Variants in OLA1 observed in about 807,000 individuals in gnomAD.
OLA1 encodes the protein obg-like ATPase 1.
Under a neutral mutation model 48.4 loss-of-function variants are expected in OLA1, and 14 were observed. The ratio of observed to expected loss-of-function variants is 0.29; its 90% CI spans 0.19 to 0.45. The LOEUF (loss-of-function observed/expected upper bound fraction) is 0.45. Ranked by LOEUF, OLA1 falls within the 20% of genes least tolerant of loss-of-function variation. OLA1 has a pLI of 1.00. For synonymous variants in OLA1, 127 were observed against 150.4 expected (o/e 0.84, Z 1.14); for missense variants, 325 against 467.1 (o/e 0.70, Z 2.80).
At chr2:174,208,659 T>C (rs983364052) in intron 4 of OLA1, among the ~76,000 whole-genome samples, 1 of 152,210 alleles carries the variant, frequency 6.6e-6, no homozygotes, top group Non-Finnish European at 1.5e-5. Context: ...ATTTCCCTCT[T>C]ATTCAAAGCT....
At chr2:174,124,098 CT>C (rs1222552566) in intron 5 of OLA1, among the ~76,000 whole-genome samples, 1 of 152,110 alleles carries the variant, frequency 6.6e-6, no homozygotes, top group Non-Finnish European at 1.5e-5. Context: ...AAAATTGAGC[CT>C]ATTATCGATG....
intron 2 of OLA1, among the ~76,000 whole-genome samples, chr2:174,243,867 G>C (rs1689067612): frequency 6.6e-6 from 1 of 152,166 alleles, no homozygotes; most frequent in Non-Finnish European, 1.5e-5. Flanking sequence ...TCTCTAGATG[G>C]TTTTGTACTG....
At chr2:174,246,573 C>T in intron 2 of OLA1, 142 bp downstream of exon 2, 1 of 622,670 alleles carries the variant, frequency 1.6e-6, no homozygotes, top group South Asian at 2.0e-5. Flanking sequence ...TAAACTAAAG[C>T]CTAATTTTGC....
chr2:174,081,272 A>T (rs1463265649), intron 8 of OLA1, 24 bp from the exon 9 acceptor site: 1 of 1,564,514 alleles, frequency 6.4e-7, no homozygotes, highest in Admixed American at 1.7e-5. Context: ...AAACAAATTC[A>T]CCCAACACAT....
intron 4 of OLA1, chr2:174,172,809 G>A (rs1161005091): frequency 6.6e-6 from 1 of 152,446 alleles, no homozygotes; most frequent in Non-Finnish European, 1.5e-5. Flanking sequence ...TTGGAGGTGG[G>A]GTCTGGTGGG....
intron 4 of OLA1, among the ~76,000 whole-genome samples, chr2:174,200,876 A>G (rs994529279): frequency 1.3e-5 from 2 of 152,212 alleles, no homozygotes; most frequent in Non-Finnish European, 2.9e-5. Flanking sequence ...CTTAAATACA[A>G]TTGTTTAAAT....
chr2:174,248,086 A>C, intron 1 of OLA1: 1 of 233,236 alleles, frequency 4.3e-6, no homozygotes. Context: ...TTCCTGGCCA[A>C]CTCCCAGGCC....
At chr2:174,186,382 T>C (rs557042789) in intron 4 of OLA1, among the ~76,000 whole-genome samples, 35 of 152,328 alleles carry the variant, frequency 2.3e-4, no homozygotes, top group African/African-American at 8.4e-4. Flanking sequence ...TCCAAAACTT[T>C]ATGAGCTCCA....
chr2:174,097,703 C>A (rs912038627), intron 7 of OLA1, among the ~76,000 whole-genome samples: 1 of 148,242 alleles, frequency 6.7e-6, no homozygotes, highest in East Asian at 2.0e-4. Flanking sequence ...CCAGCCTGGG[C>A]GACAGAGTGA....
intron 4 of OLA1, among the ~76,000 whole-genome samples, chr2:174,211,047 C>T (rs1015218547): frequency 6.6e-6 from 1 of 152,028 alleles, no homozygotes; most frequent in Non-Finnish European, 1.5e-5. Context: ...AAGGAGGAAG[C>T]TAGATAATAT....
intron 4 of OLA1, among the ~76,000 whole-genome samples, chr2:174,221,570 A>T (rs1370030103): frequency 6.6e-6 from 1 of 151,942 alleles, no homozygotes; most frequent in Non-Finnish European, 1.5e-5. Context: ...CTCATACCCA[A>T]ATCTTCAGTT....
chr2:174,184,446 C>G (rs1423974849), intron 4 of OLA1, among the ~76,000 whole-genome samples: 3 of 152,060 alleles, frequency 2.0e-5, no homozygotes, highest in African/African-American at 7.2e-5. Flanking sequence ...AATATCTGAA[C>G]AGTGAAGTAT....
intron 7 of OLA1, among the ~76,000 whole-genome samples, chr2:174,103,730 G>T (rs2105354284): frequency 6.6e-6 from 1 of 152,236 alleles, no homozygotes; most frequent in Non-Finnish European, 1.5e-5. Context: ...AACAAAACAT[G>T]CATGGTCCTT....
intron 7 of OLA1, among the ~76,000 whole-genome samples, chr2:174,116,703 A>G (rs1685792761): frequency 6.6e-6 from 1 of 152,146 alleles, no homozygotes; most frequent in Non-Finnish European, 1.5e-5. Context: ...TTGCATGGGT[A>G]TCTTTTCTTT....
chr2:174,095,451 C>T (rs1394384951), intron 7 of OLA1, among the ~76,000 whole-genome samples: 1 of 146,496 alleles, frequency 6.8e-6, no homozygotes, highest in African/African-American at 2.5e-5. Context: ...CGTTGTGCAT[C>T]TTTTCATGCT....
intron 2 of OLA1, among the ~76,000 whole-genome samples, chr2:174,232,571 T>C (rs1446920468): frequency 2.6e-5 from 4 of 152,188 alleles, no homozygotes; most frequent in Non-Finnish European, 5.9e-5. Context: ...CAACAGATTA[T>C]TTCTCCAAAG....
At chr2:174,216,219 C>T (rs1398017199) in intron 4 of OLA1, among the ~76,000 whole-genome samples, 2 of 152,106 alleles carry the variant, frequency 1.3e-5, no homozygotes, top group Middle Eastern at 3.2e-3. Flanking sequence ...AGGAGGATAA[C>T]TTGAGCCAAG....
rs1224061120 is a variant in OLA1 at position 174,081,980 on chromosome 2, C to A, written c.813G>T (p.Leu271Phe). The change falls in exon 8 of 11, where the codon TTG becomes TTT. Residue 271 changes from leucine (L) to phenylalanine (F), a missense_variant. Physicochemically the swap from Leu to Phe is conservative, Grantham distance 22. Coordinates refer to ENST00000284719, the MANE Select transcript of OLA1 (RefSeq NM_013341.5). ...IPFSGALELK[L>F]QELSAEERQK... ...GTCTCTCCTCAGCACTCAATTCTTG[C>A]AACTTGAGTTCCAAGGCCCCACTAA... 1.9e-6 allele frequency: 3 copies of A among 1,612,980 alleles called. No individual in the cohort carries two copies. The highest frequency in any genetic ancestry group is 2.5e-6 in the Non-Finnish European group (3 of 1,179,314).
At chr2:174,192,119 T>C (rs1687789710) in intron 4 of OLA1, among the ~76,000 whole-genome samples, 1 of 152,198 alleles carries the variant, frequency 6.6e-6, no homozygotes, top group Admixed American at 6.5e-5. Context: ...GATTTATTAT[T>C]ATGACTCTAT....
Sources: gnomAD v4.1 joint callset for allele counts (sites outside exome capture counted in the v4.1 genomes callset) on GRCh38, gnomAD v4.1.1 for gene constraint, MANE v1.5 for transcripts, NCBI Gene and HGNC (gene_info 2026-07-23, HGNC 2026-07-21) for gene names.